Variants in XPO1 observed in about 807,000 individuals in gnomAD.
The protein encoded by XPO1 is exportin-1.
XPO1 carries 5 observed loss-of-function variants against 133.3 expected under a neutral mutation model. The ratio of observed to expected loss-of-function variants is 0.04; its 90% CI spans 0.02 to 0.08. The LOEUF (loss-of-function observed/expected upper bound fraction) is 0.08, where lower values mean the gene tolerates loss of function less well. Among genes scored for constraint, XPO1 ranks in the 10% least tolerant of loss-of-function variants. The pLI, the probability that XPO1 is intolerant of heterozygous loss-of-function variation, is 1.00. For synonymous variants in XPO1, 419 were observed against 408.2 expected (o/e 1.03, Z -0.32); for missense variants, 506 against 1,267.5 (o/e 0.40, Z 9.12).
Position 61,482,033 on chromosome 2 carries a change from C to CTT in XPO1, c.2972+346_2972+347insAA, listed in dbSNP as rs1491506588. On this transcript the variant is annotated intron_variant, in intron 23 of 24. Transcript: ENST00000401558. ...TACAGTCATGAGCCACCGTGCGTGG[C>CTT]CTTTTTTTTTTTTTTTTTTTTTTTG... Among the ~76,000 whole-genome samples, 210 of 86,794 alleles carry CTT rather than the reference C, an allele frequency of 2.4e-3. 31 individuals carry two copies. Among genetic ancestry groups the CTT allele is most frequent in the South Asian group, 3.8e-3 (8 of 2,094 alleles). 56.9% of individuals were successfully genotyped at this position (86,794 alleles called of 152,430 possible).
chr2:61,536,453 T>C (rs1699357285), intron 1 of XPO1: 1 of 152,270 alleles, frequency 6.6e-6, no homozygotes, highest in African/African-American at 2.4e-5. Flanking sequence ...TCCAGCTTAA[T>C]GGATAATGTG....
At chr2:61,518,140 A>T (rs984979588) in intron 4 of XPO1, among the ~76,000 whole-genome samples, 2 of 151,390 alleles carry the variant, frequency 1.3e-5, no homozygotes, top group Admixed American at 6.6e-5. Flanking sequence ...ACAAAAAAAA[A>T]AGAAAAAAAG....
chr2:61,478,174 G>C lies in XPO1; in HGVS notation c.*646C>G. Reference sequence around the variant, plus strand: ...TTGAGGAAAACAAAAAGCTGTTGTCGACAAGCGACAGCACACACACACAAA... The same window carrying C: ...TTGAGGAAAACAAAAAGCTGTTGTCCACAAGCGACAGCACACACACACAAA... On this transcript the variant is annotated 3_prime_UTR_variant, in exon 25 of 25. Transcript: ENST00000401558. The C allele has an allele frequency of 4.3e-6, 1 of 233,254 alleles. No individual in the cohort carries two copies. The highest frequency in any genetic ancestry group is 8.5e-6 in the Non-Finnish European group (1 of 117,772). The allele number at this position is 233,254 out of a possible 1,614,324, so 14.4% of individuals were successfully genotyped here. A position where few individuals can be genotyped will look rare whatever the true frequency, so the allele number is the denominator to read the frequency against.
chr2:61,489,496 G>A (rs1242471791), intron 17 of XPO1, among the ~76,000 whole-genome samples: 1 of 151,400 alleles, frequency 6.6e-6, no homozygotes, highest in African/African-American at 2.4e-5. Context: ...AATCCCAAAT[G>A]GTAAAAACGA....
intron 3 of XPO1, among the ~76,000 whole-genome samples, chr2:61,524,391 T>G (rs1419079136): frequency 6.6e-6 from 1 of 152,194 alleles, no homozygotes; most frequent in African/African-American, 2.4e-5. Flanking sequence ...TTACCTAAAA[T>G]TACTATTTAC....
At chr2:61,520,940 A>C (rs566304973) in intron 4 of XPO1, among the ~76,000 whole-genome samples, 100 of 152,348 alleles carry the variant, frequency 6.6e-4, no homozygotes, top group Middle Eastern at 6.8e-3. Context: ...TAGTAAAGAA[A>C]CAAGGAATGA....
At chr2:61,525,880 G>T in intron 3 of XPO1, 1 of 1,046,866 alleles carries the variant, frequency 9.6e-7, no homozygotes, top group Non-Finnish European at 1.2e-6. Flanking sequence ...TTAAAGAGAA[G>T]CGTGAATCAT....
chr2:61,507,744 G>A (rs1444404126), intron 4 of XPO1, among the ~76,000 whole-genome samples: 1 of 152,048 alleles, frequency 6.6e-6, no homozygotes, highest in African/African-American at 2.4e-5. Context: ...TCAGCATGGT[G>A]GCTTGTGCCT....
Position 61,478,236 on chromosome 2 carries a change from C to A in XPO1, c.*584G>T, listed in dbSNP as rs1447624819. 2 of 233,560 alleles carry A rather than the reference C, an allele frequency of 8.6e-6. No individual in the cohort carries two copies. The highest frequency in any genetic ancestry group is 1.7e-5 in the Non-Finnish European group (2 of 117,992). 14.5% of individuals were successfully genotyped at this position (233,560 alleles called of 1,614,324 possible). On this transcript the variant is annotated 3_prime_UTR_variant, in exon 25 of 25. Transcript: ENST00000401558. ...CTGTGTAAAAATAACTAACTGTGTT[C>A]CCATATTTTTGAAGTCGCTTTACAA...
intron 4 of XPO1, among the ~76,000 whole-genome samples, chr2:61,517,388 A>G (rs1004856340): frequency 3.3e-5 from 5 of 152,156 alleles, no homozygotes; most frequent in African/African-American, 4.8e-5. Context: ...GTTCAAGACA[A>G]GCCTGGACAA....
chr2:61,519,509 A>C (rs1272700347), intron 4 of XPO1, among the ~76,000 whole-genome samples: 1 of 151,248 alleles, frequency 6.6e-6, no homozygotes, highest in Non-Finnish European at 1.5e-5. Flanking sequence ...CTTCCTGGCT[A>C]ACATAGTGAA....
rs1232362322 is a variant in XPO1 at position 61,493,960 on chromosome 2, C to T, written c.1179G>A (p.Leu393=). The part of the protein sequence containing the change: ...ESPFSTSASP[L]LSGSQHFDVP... The stretch of plus-strand genomic sequence containing the variant: ...CATCAAAATGTTGACTTCCAGAAAG[C>T]AACGGAGAGGCAGATGTAGAGAATG... The change falls in exon 12 of 25, where the codon TTG becomes TTA. Residue 393 remains leucine, a synonymous_variant. Coordinates refer to ENST00000401558, the MANE Select transcript of XPO1 (RefSeq NM_003400.4). 1.9e-6 allele frequency: 3 copies of T among 1,614,084 alleles called. No individual in the cohort carries two copies. Among genetic ancestry groups the T allele is most frequent in the South Asian group, 2.2e-5 (2 of 91,084 alleles).
rs763998796 is a variant in XPO1, at chr2:61,483,922, A to G, written c.2677+15T>C. 6.2e-7 allele frequency: 1 copy of G among 1,608,092 alleles called. No individual in the cohort carries two copies. Among genetic ancestry groups the G allele is most frequent in the Non-Finnish European group, 8.5e-7 (1 of 1,177,690 alleles). Reference sequence around the variant, plus strand: ...GATTGGCAGGCAAATGAATAAAAGAACATCTTTTATTTACCCGTATCTGCG... The same window carrying G: ...GATTGGCAGGCAAATGAATAAAAGAGCATCTTTTATTTACCCGTATCTGCG... On this transcript the variant is annotated intron_variant, in intron 21 of 24. Coordinates refer to ENST00000401558, the MANE Select transcript of XPO1 (RefSeq NM_003400.4).
intron 12 of XPO1, chr2:61,493,573 T>C: frequency 3.9e-6 from 1 of 256,554 alleles, no homozygotes; most frequent in Non-Finnish European, 7.5e-6. Flanking sequence ...AAGTGTGTTT[T>C]AATGTGATTT....
intron 23 of XPO1, 131 bp downstream of exon 23, chr2:61,482,249 G>T: frequency 8.2e-6 from 4 of 486,906 alleles, no homozygotes; most frequent in Non-Finnish European, 8.9e-6. Context: ...TTGTTTTGTT[G>T]TCTAGGTTGG....
intron 4 of XPO1, among the ~76,000 whole-genome samples, chr2:61,521,932 AT>A (rs1698713540): frequency 6.6e-6 from 1 of 151,906 alleles, no homozygotes; most frequent in Non-Finnish European, 1.5e-5. Context: ...TAATTTTTAA[AT>A]TTTTTGTAAA....
chr2:61,485,679 TTA>T, intron 20 of XPO1, 87 bp downstream of exon 20: 1 of 1,083,718 alleles, frequency 9.2e-7, no homozygotes, highest in South Asian at 1.7e-5. Flanking sequence ...GGCATTAAAA[TTA>T]TGTTATATCC....
chr2:61,507,338 C>T (rs1024889524), intron 4 of XPO1, among the ~76,000 whole-genome samples: 4 of 151,402 alleles, frequency 2.6e-5, no homozygotes, highest in Non-Finnish European at 4.4e-5. Flanking sequence ...CTTTGGAAGG[C>T]TGACATGGGA....
intron 2 of XPO1, among the ~76,000 whole-genome samples, chr2:61,530,790 T>C (rs1173532645): frequency 1.3e-5 from 2 of 151,756 alleles, no homozygotes; most frequent in Non-Finnish European, 2.9e-5. Flanking sequence ...TTAATTAGCA[T>C]AATAAATTTT....
Sources: allele counts gnomAD v4.1 joint callset (sites outside exome capture counted in the v4.1 genomes callset), GRCh38; gene constraint gnomAD v4.1.1; transcripts MANE v1.5; gene names NCBI Gene and HGNC (gene_info 2026-07-23, HGNC 2026-07-21).